The following DNAH6 variants were observed in gnomAD, a reference collection of about 807,000 sequenced individuals.
DNAH6 encodes the protein axonemal beta dynein heavy chain 6.
A neutral mutation model predicts 491.4 loss-of-function variants in DNAH6; 340 were observed. The ratio of observed to expected loss-of-function variants is 0.69; its 90% CI spans 0.63 to 0.76. DNAH6 has a LOEUF of 0.76. Ranked by LOEUF, DNAH6 falls within the 30% of genes least tolerant of loss-of-function variation. The probability of loss-of-function intolerance (pLI) is 0.00; values close to 1 mark genes in which losing one functional copy is unlikely to be tolerated. For synonymous variants in DNAH6, 1,603 were observed against 1,686.1 expected (o/e 0.95, Z 1.21); for missense variants, 4,443 against 4,972.2 (o/e 0.89, Z 3.20).
chr2:84,810,130 G>A (rs1679818018), intron 72 of DNAH6, among the ~76,000 whole-genome samples: 1 of 151,948 alleles, frequency 6.6e-6, no homozygotes, highest in Non-Finnish European at 1.5e-5. Context: ...TCCCTCTACT[G>A]CCAGATGAAT....
chr2:84,571,091 A>T (rs1681802970), intron 11 of DNAH6, among the ~76,000 whole-genome samples: 1 of 152,224 alleles, frequency 6.6e-6, no homozygotes, highest in Admixed American at 6.5e-5. Context: ...AAATCCTTTG[A>T]ATAAAATGAG....
chr2:84,569,261 G>A (rs2103904024), intron 11 of DNAH6, among the ~76,000 whole-genome samples: 1 of 152,080 alleles, frequency 6.6e-6, no homozygotes, highest in Non-Finnish European at 1.5e-5. Flanking sequence ...ATTGTTAGAT[G>A]AAAAAGGCAA....
chr2:84,659,198 A>C (rs541288897), intron 37 of DNAH6, 29 bp downstream of exon 37: 1 of 1,197,324 alleles, frequency 8.4e-7, no homozygotes, highest in East Asian at 2.8e-5. Context: ...ATATTTTAAC[A>C]TAATAATTCT....
chr2:84,651,372 A>G (rs748513754), intron 33 of DNAH6, among the ~76,000 whole-genome samples: 13 of 152,210 alleles, frequency 8.5e-5, no homozygotes, highest in Non-Finnish European at 1.5e-4. Context: ...GAGAATGAGA[A>G]GAGGAATTTC....
At chr2:84,656,401 C>T (rs1008105535) in intron 35 of DNAH6, among the ~76,000 whole-genome samples, 1 of 152,098 alleles carries the variant, frequency 6.6e-6, no homozygotes, top group African/African-American at 2.4e-5. Context: ...ATTTTGCATT[C>T]CCACCAATAA....
At chr2:84,551,823 G>A (rs1679398064) in intron 9 of DNAH6, among the ~76,000 whole-genome samples, 1 of 152,180 alleles carries the variant, frequency 6.6e-6, no homozygotes, top group Non-Finnish European at 1.5e-5. Context: ...CAAGGCGGGT[G>A]GATCACCTGA....
chr2:84,812,744 C>T lies in DNAH6; in HGVS notation c.11925+218C>T, dbSNP rs145032988. On this transcript the variant is annotated intron_variant, in intron 73 of 76. Coordinates refer to ENST00000389394, the MANE Select transcript of DNAH6 (RefSeq NM_001370.2). ...CCCCACCTTCCACTTTAATTCCAGG[C>T]ATCCTTGGGGTTTCAGCTCTAATTC... Among the ~76,000 whole-genome samples the T allele has an allele frequency of 7.2e-3, 1,094 of 152,308 alleles. 12 individuals carry two copies. The highest frequency in any genetic ancestry group is 0.024 in the African/African-American group (1,008 of 41,562).
chr2:84,654,023 T>G (rs1690711577), intron 34 of DNAH6, 149 bp downstream of exon 34: 1 of 662,504 alleles, frequency 1.5e-6, no homozygotes, highest in Admixed American at 3.2e-5. Flanking sequence ...CCTTTTGTAA[T>G]AGATTGACAG....
rs571020716 is a variant in DNAH6 at position 84,796,394 on chromosome 2, A to T, written c.11328A>T (p.Thr3776=). Residue 3776 remains threonine, a synonymous_variant, in exon 69 of 77, where the codon ACA becomes ACT. Transcript: ENST00000389394. ...TGAAAAGATTTTTTTCTCCTGAAAC[A>T]TTAGAAGAAGATTATAAATACTCTG... ...TILKRFFSPE[T]LEEDYKYSES... 6.5e-7 allele frequency: 1 copy of T among 1,529,076 alleles called. No homozygotes were observed. The highest frequency in any genetic ancestry group is 1.2e-5 in the South Asian group (1 of 80,692). The allele number at this position is 1,529,076 out of a possible 1,614,324, so 94.7% of individuals were successfully genotyped here.
In DNAH6 at chr2:84,733,538, T is replaced by C; in HGVS notation, c.10301T>C (p.Leu3434Pro). The C allele has an allele frequency of 6.4e-7, 1 of 1,551,694 alleles. No individual in the cohort carries two copies. The highest frequency in any genetic ancestry group is 8.7e-7 in the Non-Finnish European group (1 of 1,146,968). The change falls in exon 62 of 77, where the codon CTT (leucine) becomes CCT (proline). Residue 3434 changes from leucine to proline, a missense_variant. Transcript: ENST00000389394. ...LEESFPVFHGLTQNILSHPIS... is the reference protein window; with the variant it reads ...LEESFPVFHGPTQNILSHPIS... The stretch of plus-strand genomic sequence containing the variant: ...GAATCATTTCCAGTTTTTCACGGAC[T>C]TACCCAAAATATATTGTCACATCCT...
At chr2:84,804,036 G>A (rs1006450109) in intron 70 of DNAH6, among the ~76,000 whole-genome samples, 1 of 151,904 alleles carries the variant, frequency 6.6e-6, no homozygotes, top group Non-Finnish European at 1.5e-5. Context: ...GTGAAACCCT[G>A]TTTCTACTAA....
At chr2:84,545,532 A>G (rs1312257692) in intron 5 of DNAH6, among the ~76,000 whole-genome samples, 2 of 152,148 alleles carry the variant, frequency 1.3e-5, no homozygotes, top group Admixed American at 6.5e-5. Context: ...TACTTCTATC[A>G]GTCCTCGAGG....
chr2:84,634,629 C>CAAA lies in DNAH6; in HGVS notation c.4642_4644dup (p.Lys1548dup). 2 of 1,534,758 alleles carry CAAA rather than the reference C, an allele frequency of 1.3e-6. No homozygotes were observed. The highest frequency in any genetic ancestry group is 1.8e-6 in the Non-Finnish European group (2 of 1,140,816). On this transcript the variant is annotated inframe_insertion, in exon 30 of 77. Coordinates refer to ENST00000389394, the MANE Select transcript of DNAH6 (RefSeq NM_001370.2). ...AGCAACTCATTACCATTAGGAACGC[C>CAAA]AAAGCGGCAAAGGTAAGGCACTGGG... is the stretch of plus-strand genomic sequence containing the variant.
At chr2:84,747,856 T>G (rs1673114738) in intron 63 of DNAH6, among the ~76,000 whole-genome samples, 1 of 152,224 alleles carries the variant, frequency 6.6e-6, no homozygotes. Flanking sequence ...TCTGCCCAAC[T>G]GCAGGCTTAA....
chr2:84,517,777 G>T (rs938685053), intron 1 of DNAH6, 42 bp from the exon 2 acceptor site: 6 of 1,459,554 alleles, frequency 4.1e-6, no homozygotes, highest in South Asian at 1.3e-5. Flanking sequence ...CAATCCTTTT[G>T]ATCTACTTTT....
intron 68 of DNAH6, among the ~76,000 whole-genome samples, chr2:84,793,394 A>C (rs1677976578): frequency 6.6e-6 from 1 of 152,232 alleles, no homozygotes; most frequent in Non-Finnish European, 1.5e-5. Context: ...GGAGAAGCGC[A>C]AAATCTGTTG....
In DNAH6 at chr2:84,584,218, A is replaced by G. The variant is rs776418759; in HGVS notation, c.2449A>G (p.Asn817Asp). The stretch of plus-strand genomic sequence containing the variant: ...GGGTAGTGATCTTGAAGAATTAAAC[A>G]ACGAAGTGAATGAAGTAAAACTGCA... Reference protein sequence around the residue: ...HLGSDLEELNNEVNEVKLQAQ... With the variant: ...HLGSDLEELNDEVNEVKLQAQ... Residue 817 changes from asparagine (N) to aspartate (D), a missense_variant, in exon 15 of 77, where the codon AAC (asparagine) becomes GAC (aspartate). Asn to Asp is a conservative substitution (Grantham distance 23). Coordinates refer to ENST00000389394, the MANE Select transcript of DNAH6 (RefSeq NM_001370.2). 1 of 1,614,176 alleles carries G rather than the reference A, an allele frequency of 6.2e-7. No homozygotes were observed. Among genetic ancestry groups the G allele is most frequent in the South Asian group, 1.1e-5 (1 of 91,074 alleles).
At chr2:84,764,025 A>G (rs1369967013) in intron 64 of DNAH6, among the ~76,000 whole-genome samples, 1 of 152,174 alleles carries the variant, frequency 6.6e-6, no homozygotes, top group Non-Finnish European at 1.5e-5. Context: ...CAGGTCTTCA[A>G]TTGATTAGCT....
At chr2:84,708,649 A>G (rs991948418) in intron 54 of DNAH6, among the ~76,000 whole-genome samples, 2 of 151,988 alleles carry the variant, frequency 1.3e-5, no homozygotes, top group Non-Finnish European at 2.9e-5. Context: ...AAAGAAAGAG[A>G]GAAAGAAAGA....
Sources: gnomAD v4.1 joint callset for allele counts (sites outside exome capture counted in the v4.1 genomes callset) on GRCh38, gnomAD v4.1.1 for gene constraint, MANE v1.5 for transcripts, NCBI Gene and HGNC (gene_info 2026-07-23, HGNC 2026-07-21) for gene names.